Variants in PTPRG observed in about 807,000 individuals in gnomAD.
The protein encoded by PTPRG is protein tyrosine phosphatase receptor type G, also known as receptor-type tyrosine-protein phosphatase gamma.
Under a neutral mutation model 165.3 loss-of-function variants are expected in PTPRG, and 102 were observed. The observed-to-expected ratio is 0.62, with a 90% confidence interval of 0.53 to 0.73. PTPRG has a LOEUF of 0.73. Among genes scored for constraint, PTPRG ranks in the 30% least tolerant of loss-of-function variants. The probability of loss-of-function intolerance (pLI) is 0.00; values close to 1 mark genes in which losing one functional copy is unlikely to be tolerated. For synonymous variants in PTPRG, 675 were observed against 669.5 expected, an observed-to-expected ratio of 1.01 and a Z score of -0.13; for missense variants, 1,866 against 1,861.4, an observed-to-expected ratio of 1.00 and a Z score of -0.05.
At chr3:61,712,546 A>G (rs1157036084) in intron 1 of PTPRG, among the ~76,000 whole-genome samples, 1 of 152,098 alleles carries the variant, frequency 6.6e-6, no homozygotes, top group Non-Finnish European at 1.5e-5. Context: ...GGGAGTTCTC[A>G]TGAGATCTGA....
chr3:61,741,813 C>T lies in PTPRG; in HGVS notation c.86-7065C>T, dbSNP rs559060338. Among the ~76,000 whole-genome samples, 378 of 152,114 alleles carry T rather than the reference C, an allele frequency of 2.5e-3. 1 individual carries two copies. Among genetic ancestry groups the T allele is most frequent in the Non-Finnish European group, 4.4e-3 (300 of 68,002 alleles). ...ATGTATCTTCTTTTCTTGGTGGACA[C>T]CTCAGACTTCCATTGACATTCATAT... is the stretch of plus-strand genomic sequence containing the variant. On this transcript the variant is annotated intron_variant, in intron 1 of 29. Transcript: ENST00000474889.
At chr3:61,671,939 C>T (rs1466190764) in intron 1 of PTPRG, among the ~76,000 whole-genome samples, 2 of 140,032 alleles carry the variant, frequency 1.4e-5, no homozygotes, top group Admixed American at 7.1e-5. Flanking sequence ...GGCTGCTGGG[C>T]GGAGATGCTC....
chr3:61,910,501 C>G (rs956273487), intron 2 of PTPRG, among the ~76,000 whole-genome samples: 2 of 152,140 alleles, frequency 1.3e-5, no homozygotes, highest in Admixed American at 6.5e-5. Flanking sequence ...CATTTTACAC[C>G]TTTAACCACT....
chr3:62,119,145 T>C (rs1702970073), intron 5 of PTPRG, among the ~76,000 whole-genome samples: 1 of 152,174 alleles, frequency 6.6e-6, no homozygotes, highest in Admixed American at 6.5e-5. Flanking sequence ...GGGTAGGAAG[T>C]GCAGGAGAGA....
chr3:61,900,555 C>A (rs1001450310), intron 2 of PTPRG, among the ~76,000 whole-genome samples: 1 of 152,170 alleles, frequency 6.6e-6, no homozygotes, highest in Admixed American at 6.5e-5. Context: ...GCACCCCAAA[C>A]ACCTCCTCTT....
chr3:61,628,946 CAT>C (rs1421476594), intron 1 of PTPRG, among the ~76,000 whole-genome samples: 1 of 152,178 alleles, frequency 6.6e-6, no homozygotes, highest in African/African-American at 2.4e-5. Context: ...TTGTAACAAA[CAT>C]ACCACATATG....
chr3:62,148,519 G>A (rs1354712406), intron 6 of PTPRG, among the ~76,000 whole-genome samples: 1 of 152,188 alleles, frequency 6.6e-6, no homozygotes, highest in Admixed American at 6.5e-5. Context: ...TAGCACTTTG[G>A]GAGGCCGAGG....
At chr3:62,108,840 C>G (rs539502381) in intron 5 of PTPRG, among the ~76,000 whole-genome samples, 1 of 152,234 alleles carries the variant, frequency 6.6e-6, no homozygotes, top group East Asian at 1.9e-4. Flanking sequence ...GCTTAAATGT[C>G]TTTTGAGAAG....
intron 2 of PTPRG, among the ~76,000 whole-genome samples, chr3:61,880,638 A>AAG (rs1316290400): frequency 1.1e-4 from 17 of 151,048 alleles, no homozygotes; most frequent in Admixed American, 3.3e-4. Flanking sequence ...AAAAAAAAAA[A>AAG]AAAAAAGAGA....
intron 3 of PTPRG, among the ~76,000 whole-genome samples, chr3:62,000,676 C>G (rs899653430): frequency 3.3e-5 from 5 of 152,224 alleles, no homozygotes; most frequent in Non-Finnish European, 7.3e-5. Context: ...CCCGCTCTTC[C>G]TATTGTCCCT....
At chr3:61,789,440 C>T (rs1463573472) in intron 2 of PTPRG, among the ~76,000 whole-genome samples, 2 of 152,202 alleles carry the variant, frequency 1.3e-5, no homozygotes, top group African/African-American at 4.8e-5. Context: ...ATGATTAAGA[C>T]ATACTTCTTG....
chr3:61,563,309 A>G (rs1316809449), intron 1 of PTPRG, among the ~76,000 whole-genome samples: 2 of 152,162 alleles, frequency 1.3e-5, no homozygotes, highest in Admixed American at 6.5e-5. Flanking sequence ...TAAGACAGGA[A>G]CAATACTGGC....
intron 2 of PTPRG, among the ~76,000 whole-genome samples, chr3:61,790,487 G>C (rs1395820377): frequency 1.3e-5 from 2 of 152,222 alleles, no homozygotes; most frequent in African/African-American, 4.8e-5. Flanking sequence ...TCAATAGTGA[G>C]TGTACTAGAG....
At chr3:62,053,938 C>G (rs1401795773) in intron 4 of PTPRG, among the ~76,000 whole-genome samples, 1 of 152,098 alleles carries the variant, frequency 6.6e-6, no homozygotes, top group Non-Finnish European at 1.5e-5. Context: ...GTGAAATGTT[C>G]AAATATGAAG....
At chr3:62,045,739 C>G (rs1409001019) in intron 4 of PTPRG, among the ~76,000 whole-genome samples, 5 of 152,224 alleles carry the variant, frequency 3.3e-5, no homozygotes, top group African/African-American at 1.2e-4. Context: ...GACCTGAACA[C>G]AAGGTTCTGA....
At chr3:61,943,275 T>C (rs925460311) in intron 2 of PTPRG, among the ~76,000 whole-genome samples, 1 of 152,150 alleles carries the variant, frequency 6.6e-6, no homozygotes, top group African/African-American at 2.4e-5. Context: ...TGAACCTGTT[T>C]TCTAAAAATG....
At chr3:61,974,446 G>A (rs1263135478) in intron 2 of PTPRG, among the ~76,000 whole-genome samples, 4 of 152,060 alleles carry the variant, frequency 2.6e-5, no homozygotes, top group East Asian at 1.9e-4. Flanking sequence ...CCAGCTACTC[G>A]GGAGGCTGAG....
In PTPRG at chr3:61,595,990, C is replaced by T. The variant is rs190885881; in HGVS notation, c.85+33618C>T. Among the ~76,000 whole-genome samples, 15 of 152,166 alleles carry T rather than the reference C, an allele frequency of 9.9e-5. No individual in the cohort carries two copies. In the East Asian group the frequency reaches 1.7e-3, roughly 18 times the overall value. ...CCCCATGTAATTTATACATAGCCTA[C>T]GTTCAAGGCAAAAATCCATTTAGGC... On this transcript the variant is annotated intron_variant, in intron 1 of 29. Transcript: ENST00000474889.
intron 5 of PTPRG, among the ~76,000 whole-genome samples, chr3:62,125,975 T>C (rs1703276339): frequency 6.6e-6 from 1 of 152,138 alleles, no homozygotes; most frequent in Non-Finnish European, 1.5e-5. Context: ...GGAGTACCAT[T>C]TGCCAGGCAC....
Sources: gnomAD v4.1 joint callset for allele counts (sites outside exome capture counted in the v4.1 genomes callset) on GRCh38, gnomAD v4.1.1 for gene constraint, MANE v1.5 for transcripts, NCBI Gene and HGNC (gene_info 2026-07-23, HGNC 2026-07-21) for gene names.